AMPD2: variants seen among roughly 807,000 people sequenced by gnomAD.
AMPD2 encodes the protein adenosine monophosphate deaminase 2.
In AMPD2, 52 loss-of-function variants were observed where a neutral mutation model predicts 91.3. The observed-to-expected ratio is 0.57, with a 90% CI of 0.46 to 0.72. The LOEUF (loss-of-function observed/expected upper bound fraction) is 0.72. Among genes scored for constraint, AMPD2 ranks in the 30% least tolerant of loss-of-function variants. The pLI is 0.00. For missense variants in AMPD2, 822 were observed against 1,122.3 expected, an observed-to-expected ratio of 0.73 and a Z score of 3.82; for synonymous variants, 455 against 456.4, an observed-to-expected ratio of 1.00 and a Z score of 0.04.
chr1:109,631,345 TCAGGTATTGAGCCTGATGGCC>T lies in AMPD2; in HGVS notation c.*205_*225del, dbSNP rs1651255880. 1 of 657,490 alleles carries T rather than the reference TCAGGTATTGAGCCTGATGGCC, an allele frequency of 1.5e-6. No homozygotes were observed. The highest frequency in any genetic ancestry group is 2.6e-6 in the Non-Finnish European group (1 of 380,328). 40.7% of individuals were successfully genotyped at this position (657,490 alleles called of 1,614,324 possible). On this transcript the variant is annotated 3_prime_UTR_variant, in exon 19 of 19. Coordinates refer to ENST00000528667, the MANE Select transcript of AMPD2 (RefSeq NM_001368809.2). ...GGAATCTGCTCATTGTTGTTTGGGC[TCAGGTATTGAGCCTGATGGCC>T]CAGGTATTGAGGGCCTCCCCTGCTG...
At position 109,628,874 on chromosome 1, in the gene AMPD2, C is replaced by A; in HGVS notation, c.1571+68C>A. 6.6e-7 allele frequency: 1 copy of A among 1,508,474 alleles called. No individual in the cohort carries two copies. The highest frequency in any genetic ancestry group is 8.9e-7 in the Non-Finnish European group (1 of 1,122,430). 93.4% of individuals were successfully genotyped at this position (1,508,474 alleles called of 1,614,324 possible). A position where few individuals can be genotyped will look rare whatever the true frequency, so the allele number is the denominator to read the frequency against. On this transcript the variant is annotated intron_variant, in intron 13 of 18. Transcript: ENST00000528667. The surrounding 1 kb of genome is among the most constrained non-coding windows in gnomAD (Gnocchi z 7.1). ...TCAAGGGGTCAGGGCCTGCCTCCTG[C>A]CCTCCTAGGATGGCTGAGCCTCCCT...
chr1:109,630,144 C>A, intron 16 of AMPD2, 89 bp from the exon 17 acceptor site: 1 of 1,464,664 alleles, frequency 6.8e-7, no homozygotes, highest in Non-Finnish European at 9.5e-7. Context: ...TCCCCCTGCC[C>A]TCTGCTGTGG....
chr1:109,620,587 CG>C, intron 1 of AMPD2: 1 of 1,230,906 alleles, frequency 8.1e-7, no homozygotes, highest in Non-Finnish European at 1.0e-6. Flanking sequence ...CTGGGATTCT[CG>C]GTTCTTCCCC....
chr1:109,621,436 T>TGGGGGGGGGGGGG, intron 2 of AMPD2, 170 bp downstream of exon 2: 4 of 122,438 alleles, frequency 3.3e-5, no homozygotes, highest in Admixed American at 1.4e-4. Context: ...GGGTGAGGGG[T>TGGGGGGGGGGGGG]GGTGGGGGGC....
At chr1:109,623,399 C>G (rs1356719782) in intron 2 of AMPD2, among the ~76,000 whole-genome samples, 2 of 152,166 alleles carry the variant, frequency 1.3e-5, no homozygotes, top group African/African-American at 4.8e-5. Flanking sequence ...TTGTCCTGTC[C>G]CTGATGATAG....
intron 15 of AMPD2, 141 bp downstream of exon 15, chr1:109,629,631 T>G: frequency 3.5e-6 from 5 of 1,435,696 alleles, no homozygotes; most frequent in Non-Finnish European, 4.7e-6. Context: ...CCCTTGGAGC[T>G]ACATCTGTCA....
rs375823883 is a variant in AMPD2 at position 109,629,825 on chromosome 1, G to T, written c.1892G>T (p.Arg631Met). ...AGGGGCTTCCACACGTTTGTGCTGAGGCCACACTGTGGGGAGGCTGGGCCC... is the reference window on the plus strand; with the variant it reads ...AGGGGCTTCCACACGTTTGTGCTGATGCCACACTGTGGGGAGGCTGGGCCC... Reference protein sequence around the residue: ...RQRGFHTFVLRPHCGEAGPIH... With the variant: ...RQRGFHTFVLMPHCGEAGPIH... Residue 631 changes from arginine (R) to methionine (M), a missense_variant, in exon 16 of 19, where the codon AGG becomes ATG. Arg to Met is a moderately conservative substitution (Grantham distance 91). Transcript: ENST00000528667. 1 of 1,611,224 alleles carries T rather than the reference G, an allele frequency of 6.2e-7. No homozygotes were observed. Among genetic ancestry groups the T allele is most frequent in the African/African-American group, 1.3e-5 (1 of 74,994 alleles).
chr1:109,620,987 C>T lies in AMPD2; in HGVS notation c.-189C>T, dbSNP rs745662652. ...AGGGATAAGGGGCAGAGATGGAGGC[C>T]CCACTCCCCGAGGTTGCCTAGACAA... On this transcript the variant is annotated 5_prime_UTR_variant, in exon 2 of 19. Coordinates refer to ENST00000528667, the MANE Select transcript of AMPD2 (RefSeq NM_001368809.2). The T allele has an allele frequency of 2.6e-6, 4 of 1,553,888 alleles. No individual in the cohort carries two copies. The highest frequency in any genetic ancestry group is 1.8e-5 in the Admixed American group (1 of 54,300).
Position 109,630,418 on chromosome 1 carries a change from GCAGGCA to G in AMPD2, c.2157+13_2157+18del. On this transcript the variant is annotated intron_variant, in intron 17 of 18. Coordinates refer to ENST00000528667, the MANE Select transcript of AMPD2 (RefSeq NM_001368809.2). ...TCCACTTCACCAAGGTCAGAGCCCA[GCAGGCA>G]GCCAGGCGGGCGGGCGTCCCAGGAC... is the stretch of plus-strand genomic sequence containing the variant. 1.3e-6 allele frequency: 2 copies of G among 1,584,482 alleles called. No individual in the cohort carries two copies. Among genetic ancestry groups the G allele is most frequent in the Non-Finnish European group, 1.7e-6 (2 of 1,163,220 alleles).
intron 2 of AMPD2, chr1:109,623,869 G>A (rs2101149020): frequency 3.3e-6 from 1 of 305,232 alleles, no homozygotes; most frequent in African/African-American, 2.3e-5. Flanking sequence ...CTTCAGTTCT[G>A]GAGTTCGTCT....
chr1:109,625,832 C>T lies in AMPD2; in HGVS notation c.353+40C>T, dbSNP rs1650627964. Reference sequence around the variant, plus strand: ...CAGCTGCTTAGTCTCCCTCCATACCCTTCCAGACCCTTTCAGAGCCCCTTT... The same window carrying T: ...CAGCTGCTTAGTCTCCCTCCATACCTTTCCAGACCCTTTCAGAGCCCCTTT... On this transcript the variant is annotated intron_variant, in intron 4 of 18. Coordinates refer to ENST00000528667, the MANE Select transcript of AMPD2 (RefSeq NM_001368809.2). The surrounding 1 kb of genome is among the most constrained non-coding windows in gnomAD (Gnocchi z 4.0). 6.2e-7 allele frequency: 1 copy of T among 1,610,116 alleles called. No individual in the cohort carries two copies. The highest frequency in any genetic ancestry group is 8.5e-7 in the Non-Finnish European group (1 of 1,177,364).
Position 109,621,015 on chromosome 1 carries a change from T to A in AMPD2, c.-161T>A. On this transcript the variant is annotated 5_prime_UTR_variant, in exon 2 of 19. It removes an upstream start codon present in the reference 5' UTR. Transcript: ENST00000528667. ...ACTCCCCGAGGTTGCCTAGACAACA[T>A]GAGAAATCGTGGCCAGGGCCTCTTC... is the stretch of plus-strand genomic sequence containing the variant. The A allele has an allele frequency of 6.3e-7, 1 of 1,583,958 alleles. No individual in the cohort carries two copies. Among genetic ancestry groups the A allele is most frequent in the Non-Finnish European group, 8.6e-7 (1 of 1,164,268 alleles).
chr1:109,629,596 C>A, intron 15 of AMPD2, 106 bp downstream of exon 15: 1 of 1,498,400 alleles, frequency 6.7e-7, no homozygotes, highest in Non-Finnish European at 9.1e-7. Context: ...CACCTGTTGC[C>A]TGGACTGGAT....
intron 15 of AMPD2, 108 bp from the exon 16 acceptor site, chr1:109,629,688 G>C: frequency 6.7e-7 from 1 of 1,493,694 alleles, no homozygotes; most frequent in Admixed American, 2.1e-5. Flanking sequence ...TCCCAGGCCT[G>C]CATAGTTATT....
In AMPD2 at chr1:109,619,926, C is replaced by T. The variant is rs55646629; in HGVS notation, c.-615C>T. The T allele has an allele frequency of 0.12, 43,149 of 364,084 alleles. 4,262 individuals are homozygous for T. The highest frequency in any genetic ancestry group is 0.28 in the East Asian group (3,419 of 12,112). The allele number at this position is 364,084 out of a possible 1,614,324, so 22.6% of individuals were successfully genotyped here. The stretch of plus-strand genomic sequence containing the variant: ...CCCCCACAGTCCGGCCGCGGGAGTC[C>T]GACCCTGAATGCCCAGGGAGTGTTG... On this transcript the variant is annotated 5_prime_UTR_variant, in exon 1 of 19. Coordinates refer to ENST00000528667, the MANE Select transcript of AMPD2 (RefSeq NM_001368809.2).
In AMPD2 at chr1:109,624,986, A is replaced by G. The variant is rs915080882; in HGVS notation, c.92-317A>G. 6.6e-6 allele frequency among the ~76,000 whole-genome samples: 1 copy of G among 152,000 alleles called. No homozygotes were observed. The highest frequency in any genetic ancestry group is 1.5e-5 in the Non-Finnish European group (1 of 67,982). On this transcript the variant is annotated intron_variant, in intron 2 of 18. Coordinates refer to ENST00000528667, the MANE Select transcript of AMPD2 (RefSeq NM_001368809.2). This position sits in a 1 kb window ranked among gnomAD's most constrained non-coding sequence, Gnocchi z 5.2. ...GTACACACGTGCACCTGCCTCTGGG[A>G]GGTAGTCACGTGGAGATTCTCATGG...
At chr1:109,630,828 T>C (rs1297211120) in intron 18 of AMPD2, 35 bp downstream of exon 18, 1 of 1,594,368 alleles carries the variant, frequency 6.3e-7, no homozygotes. Context: ...TGGCATGGCA[T>C]CACTCCTCCC....
chr1:109,624,317 G>T lies in AMPD2; in HGVS notation c.92-986G>T, dbSNP rs1650474493. On this transcript the variant is annotated intron_variant, in intron 2 of 18. Coordinates refer to ENST00000528667, the MANE Select transcript of AMPD2 (RefSeq NM_001368809.2). The surrounding 1 kb of genome is among the most constrained non-coding windows in gnomAD (Gnocchi z 5.2). ...TACAGCCGGCTGAGAGAGGCAGTTT[G>T]GGTGTGGAAAGCTTCTCACTGAGGA... 6.6e-6 allele frequency among the ~76,000 whole-genome samples: 1 copy of T among 152,230 alleles called. No homozygotes were observed. The highest frequency in any genetic ancestry group is 1.5e-5 in the Non-Finnish European group (1 of 68,046).
intron 7 of AMPD2, 50 bp from the exon 8 acceptor site, chr1:109,627,125 G>A (rs193030107): frequency 7.5e-5 from 120 of 1,608,830 alleles, no homozygotes; most frequent in Middle Eastern, 4.5e-4. Context: ...GTTGGGCAGT[G>A]GGTGGCTTGG....
Sources: gnomAD v4.1 joint callset for allele counts (sites outside exome capture counted in the v4.1 genomes callset) on GRCh38, gnomAD v4.1.1 for gene constraint, Gnocchi (gnomAD v3.1) non-coding constraint, MANE v1.5 for transcripts, NCBI Gene and HGNC (gene_info 2026-07-23, HGNC 2026-07-21) for gene names.